The following CAT variants were observed in gnomAD, a reference collection of about 807,000 sequenced individuals.
The protein encoded by CAT is epididymis secretory sperm binding protein.
A neutral mutation model predicts 59.0 loss-of-function variants in CAT; 43 were observed. The observed-to-expected ratio is 0.73, with a 90% CI of 0.57 to 0.94. The LOEUF is 0.94. CAT is among the 40% of genes least tolerant of loss of function. CAT has a pLI of 0.00. For synonymous variants in CAT, 218 were observed against 230.9 expected, an observed-to-expected ratio of 0.94 and a Z score of 0.51; for missense variants, 664 against 682.9, an observed-to-expected ratio of 0.97 and a Z score of 0.31.
chr11:34,440,269 G>A (rs1439506055), intron 1 of CAT, among the ~76,000 whole-genome samples: 1 of 152,160 alleles, frequency 6.6e-6, no homozygotes, highest in African/African-American at 2.4e-5. Flanking sequence ...TCCTCCAAGG[G>A]CCTGGAAAAT....
At position 34,464,180 on chromosome 11, in the gene CAT, A is replaced by G. The variant is rs753628651; in HGVS notation, c.1271A>G (p.Gln424Arg). Residue 424 changes from glutamine (Q) to arginine (R), a missense_variant, in exon 10 of 13, where the codon CAA becomes CGA. Gln to Arg is a conservative substitution (Grantham distance 43, BLOSUM62 1). Transcript: ENST00000241052. ...CCTTCTGCCCTGGAGCACAGCATCC[A>G]ATATTCTGGAGAAGTGCGGAGATTC... ...QQPSALEHSI[Q>R]YSGEVRRFNT... is the part of the protein sequence containing the mutation. 8 of 1,613,988 alleles carry G rather than the reference A, an allele frequency of 5.0e-6. No individual in the cohort carries two copies. The highest frequency in any genetic ancestry group is 6.8e-6 in the Non-Finnish European group (8 of 1,179,940).
At chr11:34,444,312 G>A (rs1173009448) in intron 1 of CAT, among the ~76,000 whole-genome samples, 2 of 152,066 alleles carry the variant, frequency 1.3e-5, no homozygotes, top group Non-Finnish European at 2.9e-5. Context: ...AGTAAATAGG[G>A]GCTCTTTCAC....
At chr11:34,470,073 G>C (rs1266266187) in intron 11 of CAT, among the ~76,000 whole-genome samples, 2 of 152,092 alleles carry the variant, frequency 1.3e-5, no homozygotes, top group Non-Finnish European at 2.9e-5. Flanking sequence ...CCTGGAGCTA[G>C]AGTCAGAACC....
chr11:34,452,218 G>A lies in CAT; in HGVS notation c.480+11G>A, dbSNP rs1856532012. 6.2e-7 allele frequency: 1 copy of A among 1,612,962 alleles called. No homozygotes were observed. ...AGGGATCCCATATTGGTAGGTAATAGAGTATTTTGCACTCAACAAATGTTT... is the reference window on the plus strand; with the variant it reads ...AGGGATCCCATATTGGTAGGTAATAAAGTATTTTGCACTCAACAAATGTTT... On this transcript the variant is annotated intron_variant, in intron 4 of 12. Transcript: ENST00000241052.
At chr11:34,444,519 A>G (rs1856427148) in intron 1 of CAT, among the ~76,000 whole-genome samples, 1 of 152,176 alleles carries the variant, frequency 6.6e-6, no homozygotes. Flanking sequence ...TATACGTTGT[A>G]GGCACTTGAA....
intron 1 of CAT, among the ~76,000 whole-genome samples, chr11:34,443,652 T>A (rs1477201573): frequency 6.6e-6 from 1 of 152,104 alleles, no homozygotes. Context: ...TAGCCTCTGA[T>A]CCCTTTAAAA....
At chr11:34,460,196 A>G (rs1856632914) in intron 8 of CAT, among the ~76,000 whole-genome samples, 1 of 152,256 alleles carries the variant, frequency 6.6e-6, no homozygotes, top group South Asian at 2.1e-4. Context: ...CAATAATTAG[A>G]TATTAAGATT....
At chr11:34,459,002 A>G (rs892823911) in intron 8 of CAT, among the ~76,000 whole-genome samples, 1 of 152,116 alleles carries the variant, frequency 6.6e-6, no homozygotes, top group Admixed American at 6.5e-5. Context: ...TGTACTCTTT[A>G]TAGGTTGTTT....
At position 34,465,835 on chromosome 11, in the gene CAT, T is replaced by C. The variant is rs146413762; in HGVS notation, c.1326+1600T>C. Among the ~76,000 whole-genome samples the C allele has an allele frequency of 4.1e-3, 622 of 152,306 alleles. 6 individuals carry two copies. The highest frequency in any genetic ancestry group is 0.015 in the African/African-American group (604 of 41,566). On this transcript the variant is annotated intron_variant, in intron 10 of 12. Transcript: ENST00000241052. Reference sequence around the variant, plus strand: ...ACATTGAAAAGGTAGGTAAAATACATAAAGCACTTGTTTGAAGGCTTTGGA... The same window carrying C: ...ACATTGAAAAGGTAGGTAAAATACACAAAGCACTTGTTTGAAGGCTTTGGA...
At chr11:34,442,186 T>A (rs1476991874) in intron 1 of CAT, among the ~76,000 whole-genome samples, 4 of 152,254 alleles carry the variant, frequency 2.6e-5, no homozygotes, top group Non-Finnish European at 5.9e-5. Context: ...TCTGTCTTTT[T>A]AAAAATTGAA....
intron 1 of CAT, among the ~76,000 whole-genome samples, chr11:34,445,990 C>A (rs1856449404): frequency 6.6e-6 from 1 of 152,062 alleles, no homozygotes; most frequent in South Asian, 2.1e-4. Flanking sequence ...TTGCGTGGTC[C>A]GTTTTCTAGC....
intron 4 of CAT, 44 bp downstream of exon 4, chr11:34,452,251 T>G (rs1242093369): frequency 1.9e-6 from 3 of 1,583,392 alleles, no homozygotes; most frequent in Non-Finnish European, 2.6e-6. Flanking sequence ...TTTGTTGACT[T>G]AAATTGATTT....
At position 34,464,479 on chromosome 11, in the gene CAT, A is replaced by G. The variant is rs542422915; in HGVS notation, c.1326+244A>G. 2.0e-5 allele frequency among the ~76,000 whole-genome samples: 3 copies of G among 152,222 alleles called. No homozygotes were observed. The South Asian group carries it at 6.2e-4, about 32-fold the overall frequency. On this transcript the variant is annotated intron_variant, in intron 10 of 12. Coordinates refer to ENST00000241052, the MANE Select transcript of CAT (RefSeq NM_001752.4). ...AGTTTCTTCAAACTTTATTGAAGGG[A>G]TATGGGGAGGGGGCATTGGGGAAAC...
chr11:34,456,305 C>A (rs1856589687), intron 7 of CAT, 103 bp downstream of exon 7: 3 of 907,774 alleles, frequency 3.3e-6, no homozygotes, highest in African/African-American at 3.3e-5. Context: ...AAGTCATATA[C>A]AAAATACAGA....
chr11:34,446,980 G>A (rs1408170819), intron 1 of CAT, among the ~76,000 whole-genome samples: 1 of 152,150 alleles, frequency 6.6e-6, no homozygotes, highest in African/African-American at 2.4e-5. Context: ...CTGATCTCAG[G>A]TGATCCACCT....
chr11:34,471,116 A>G, intron 12 of CAT, 75 bp downstream of exon 12: 1 of 1,243,174 alleles, frequency 8.0e-7, no homozygotes, highest in Non-Finnish European at 1.2e-6. Flanking sequence ...GTTACCACTT[A>G]GCATTACAGT....
chr11:34,440,653 C>G (rs966235500), intron 1 of CAT, among the ~76,000 whole-genome samples: 36 of 151,518 alleles, frequency 2.4e-4, no homozygotes, highest in Non-Finnish European at 1.2e-4. Flanking sequence ...AACTCCGCCT[C>G]CCGGATTCAA....
intron 9 of CAT, among the ~76,000 whole-genome samples, chr11:34,462,407 C>T (rs1564965532): frequency 6.6e-6 from 1 of 152,018 alleles, no homozygotes; most frequent in Non-Finnish European, 1.5e-5. Flanking sequence ...ATAGCTATTA[C>T]ATTTTGCTAT....
chr11:34,448,937 A>G (rs1416869675), intron 1 of CAT, among the ~76,000 whole-genome samples: 1 of 152,142 alleles, frequency 6.6e-6, no homozygotes, highest in African/African-American at 2.4e-5. Flanking sequence ...GCACATTTTC[A>G]GGCTCCAAAA....
Sources: gnomAD v4.1 joint callset for allele counts (sites outside exome capture counted in the v4.1 genomes callset) on GRCh38, gnomAD v4.1.1 for gene constraint, MANE v1.5 for transcripts, NCBI Gene and HGNC (gene_info 2026-07-23, HGNC 2026-07-21) for gene names.